GALNTL6: variants seen among roughly 807,000 people sequenced by gnomAD.
GALNTL6 encodes the protein polypeptide N-acetylgalactosaminyltransferase-like 6.
A neutral mutation model predicts 73.7 loss-of-function variants in GALNTL6; 46 were observed. The ratio of observed to expected loss-of-function variants is 0.62; its 90% CI spans 0.49 to 0.80. The LOEUF is 0.80. GALNTL6 is among the 30% of genes least tolerant of loss of function. GALNTL6 has a pLI of 0.00. For synonymous variants in GALNTL6, 259 were observed against 263.7 expected (o/e 0.98, Z 0.17); for missense variants, 604 against 755.0 (o/e 0.80, Z 2.34).
chr4:171,962,968 A>G (rs887428146), intron 2 of GALNTL6, among the ~76,000 whole-genome samples: 4 of 150,896 alleles, frequency 2.7e-5, no homozygotes, highest in African/African-American at 4.9e-5. Context: ...GGGTTTCACT[A>G]TGTTGGCCAG....
intron 2 of GALNTL6, among the ~76,000 whole-genome samples, chr4:172,034,399 C>CGTGTGTGTGT (rs1209195765): frequency 1.2e-4 from 4 of 33,404 alleles, no homozygotes; most frequent in African/African-American, 2.9e-4. Flanking sequence ...AGCGTGCGTG[C>CGTGTGTGTGT]GTGTGTGTGT....
At chr4:171,889,635 T>C (rs529914282) in intron 2 of GALNTL6, among the ~76,000 whole-genome samples, 1 of 152,204 alleles carries the variant, frequency 6.6e-6, no homozygotes, top group African/African-American at 2.4e-5. Flanking sequence ...TTTTAATGAT[T>C]TAGGTTTGAC....
At chr4:172,569,893 A>C (rs1205785797) in intron 5 of GALNTL6, among the ~76,000 whole-genome samples, 2 of 152,196 alleles carry the variant, frequency 1.3e-5, no homozygotes, top group Non-Finnish European at 2.9e-5. Context: ...ATCCATCCAC[A>C]GATTTAAACA....
chr4:172,157,933 CATG>C (rs1387464617), intron 2 of GALNTL6, among the ~76,000 whole-genome samples: 2 of 152,148 alleles, frequency 1.3e-5, no homozygotes, highest in Non-Finnish European at 2.9e-5. Flanking sequence ...GCCTCTGCAG[CATG>C]ATGTTTTGCT....
At chr4:171,868,180 A>T (rs900930187) in intron 2 of GALNTL6, among the ~76,000 whole-genome samples, 2 of 151,828 alleles carry the variant, frequency 1.3e-5, no homozygotes, top group Non-Finnish European at 2.9e-5. Context: ...GTAGAGAAAG[A>T]TTCTCACTGT....
At chr4:172,332,241 T>A (rs1045403024) in intron 4 of GALNTL6, among the ~76,000 whole-genome samples, 1 of 152,114 alleles carries the variant, frequency 6.6e-6, no homozygotes, top group African/African-American at 2.4e-5. Context: ...TTACTATTTT[T>A]AATTTGTAAA....
At chr4:172,162,438 A>G (rs1273727305) in intron 2 of GALNTL6, among the ~76,000 whole-genome samples, 1 of 152,008 alleles carries the variant, frequency 6.6e-6, no homozygotes, top group Non-Finnish European at 1.5e-5. Context: ...TTCCTGGTAC[A>G]TCTCTGAAAA....
At chr4:172,797,110 C>T (rs963420655) in intron 5 of GALNTL6, among the ~76,000 whole-genome samples, 6 of 152,078 alleles carry the variant, frequency 3.9e-5, no homozygotes, top group African/African-American at 1.2e-4. Flanking sequence ...AAAAATAATA[C>T]GGCCATTAGC....
intron 2 of GALNTL6, among the ~76,000 whole-genome samples, chr4:171,897,200 T>C (rs1736946264): frequency 1.3e-5 from 2 of 152,146 alleles, no homozygotes; most frequent in Admixed American, 1.3e-4. Flanking sequence ...TTGACTCTTG[T>C]CAGGGGTGAC....
chr4:172,560,365 GT>G (rs1736309528), intron 5 of GALNTL6, among the ~76,000 whole-genome samples: 1 of 151,940 alleles, frequency 6.6e-6, no homozygotes, highest in African/African-American at 2.4e-5. Context: ...GGGCGTGATG[GT>G]GCACACCTAT....
intron 7 of GALNTL6, among the ~76,000 whole-genome samples, chr4:172,868,656 T>A (rs1412082403): frequency 2.0e-5 from 3 of 152,206 alleles, no homozygotes; most frequent in Non-Finnish European, 4.4e-5. Context: ...AATCAGCCAA[T>A]CTGCATTAGG....
At chr4:172,392,462 A>ATTTT (rs5864134) in intron 5 of GALNTL6, among the ~76,000 whole-genome samples, 1 of 146,596 alleles carries the variant, frequency 6.8e-6, no homozygotes. Context: ...TTTCTTATTC[A>ATTTT]TTTTTTTTTT....
intron 3 of GALNTL6, among the ~76,000 whole-genome samples, chr4:172,288,600 A>C (rs1271717920): frequency 6.6e-6 from 1 of 152,198 alleles, no homozygotes; most frequent in African/African-American, 2.4e-5. Flanking sequence ...CTAGTTATAA[A>C]GCAGTTTCCA....
chr4:172,304,171 G>T (rs536222729), intron 3 of GALNTL6, among the ~76,000 whole-genome samples: 34 of 152,114 alleles, frequency 2.2e-4, no homozygotes, highest in Admixed American at 2.0e-3. Context: ...CTTAATATGT[G>T]CTTTTGAATA....
At chr4:173,003,594 A>T (rs1272632018) in intron 10 of GALNTL6, among the ~76,000 whole-genome samples, 1 of 152,214 alleles carries the variant, frequency 6.6e-6, no homozygotes, top group African/African-American at 2.4e-5. Context: ...GGCACTTCGC[A>T]TGCATCTGTT....
chr4:172,546,045 T>C (rs1735733999), intron 5 of GALNTL6, among the ~76,000 whole-genome samples: 1 of 152,210 alleles, frequency 6.6e-6, no homozygotes, highest in Non-Finnish European at 1.5e-5. Context: ...TATATATAAA[T>C]ATGTATGTAT....
chr4:172,688,566 A>G (rs1733070996), intron 5 of GALNTL6, among the ~76,000 whole-genome samples: 1 of 152,236 alleles, frequency 6.6e-6, no homozygotes, highest in Non-Finnish European at 1.5e-5. Context: ...TAATGTTTAT[A>G]GAGAGATGGC....
At chr4:171,903,271 G>T (rs1737158703) in intron 2 of GALNTL6, among the ~76,000 whole-genome samples, 2 of 152,068 alleles carry the variant, frequency 1.3e-5, no homozygotes, top group African/African-American at 4.8e-5. Flanking sequence ...AGTGGGCGCA[G>T]GTCAGTGGGT....
At chr4:172,841,186 A>G (rs568290531) in intron 7 of GALNTL6, among the ~76,000 whole-genome samples, 41 of 152,344 alleles carry the variant, frequency 2.7e-4, no homozygotes, top group African/African-American at 9.6e-4. Context: ...AGCCTCAGAA[A>G]TATGCTACTG....
Sources: gnomAD v4.1 joint callset for allele counts (sites outside exome capture counted in the v4.1 genomes callset) on GRCh38, gnomAD v4.1.1 for gene constraint, MANE v1.5 for transcripts, NCBI Gene and HGNC (gene_info 2026-07-23, HGNC 2026-07-21) for gene names.